The following PRR5L variants were observed in gnomAD, a reference collection of about 807,000 sequenced individuals.
PRR5L encodes proline rich 5 like, also known as proline-rich protein 5-like.
A neutral mutation model predicts 36.4 loss-of-function variants in PRR5L; 21 were observed. The observed-to-expected ratio is 0.58, with a 90% CI of 0.41 to 0.83. The LOEUF (loss-of-function observed/expected upper bound fraction) is 0.83, where lower values mean the gene tolerates loss of function less well. Among genes scored for constraint, PRR5L ranks in the 40% least tolerant of loss-of-function variants. The probability of loss-of-function intolerance (pLI) is 0.00; values close to 1 mark genes in which losing one functional copy is unlikely to be tolerated. For synonymous variants in PRR5L, 188 were observed against 197.0 expected, an observed-to-expected ratio of 0.95 and a Z score of 0.38; for missense variants, 381 against 473.3, an observed-to-expected ratio of 0.80 and a Z score of 1.81.
chr11:36,365,531 C>G (rs538951392), intron 1 of PRR5L, among the ~76,000 whole-genome samples: 14 of 152,254 alleles, frequency 9.2e-5, no homozygotes, highest in African/African-American at 3.1e-4. Context: ...AGACCACCTC[C>G]AAGTTCTTAA....
chr11:36,313,389 C>T (rs1207793630), intron 1 of PRR5L, among the ~76,000 whole-genome samples: 1 of 152,258 alleles, frequency 6.6e-6, no homozygotes, highest in African/African-American at 2.4e-5. Flanking sequence ...GTTTAAGCTA[C>T]GCCAATATTC....
intron 3 of PRR5L, among the ~76,000 whole-genome samples, chr11:36,410,811 G>C (rs1858009284): frequency 6.6e-6 from 1 of 152,206 alleles, no homozygotes; most frequent in Non-Finnish European, 1.5e-5. Flanking sequence ...CTGCCTCCTT[G>C]AAACATATCC....
chr11:36,431,266 G>T (rs1233041921), intron 4 of PRR5L, among the ~76,000 whole-genome samples: 3 of 152,194 alleles, frequency 2.0e-5, no homozygotes, highest in African/African-American at 7.2e-5. Flanking sequence ...TGAATTAAAT[G>T]AGATGAAGGA....
chr11:36,440,897 C>G (rs4756319), intron 6 of PRR5L, among the ~76,000 whole-genome samples: 86,213 of 151,864 alleles, frequency 0.57, 24,808 homozygotes, highest in Admixed American at 0.62. Context: ...AACTAGCTCT[C>G]TCATACTAAT....
intron 1 of PRR5L, among the ~76,000 whole-genome samples, chr11:36,313,087 T>A (rs1414768039): frequency 6.6e-6 from 1 of 152,258 alleles, no homozygotes; most frequent in African/African-American, 2.4e-5. Flanking sequence ...ATTCCCTGTG[T>A]AGTTGCAAAG....
chr11:36,302,777 G>A (rs1856390672), intron 1 of PRR5L, among the ~76,000 whole-genome samples: 1 of 151,966 alleles, frequency 6.6e-6, no homozygotes, highest in Non-Finnish European at 1.5e-5. Context: ...GTGACGGAGC[G>A]AGACTCTGTC....
intron 1 of PRR5L, among the ~76,000 whole-genome samples, chr11:36,330,913 C>T (rs1476617297): frequency 2.6e-5 from 4 of 152,024 alleles, no homozygotes; most frequent in Admixed American, 2.6e-4. Flanking sequence ...TCAAGTGATT[C>T]TCTTGCCTCA....
intron 1 of PRR5L, among the ~76,000 whole-genome samples, chr11:36,371,105 A>T (rs922119349): frequency 1.3e-5 from 2 of 152,148 alleles, no homozygotes; most frequent in African/African-American, 4.8e-5. Context: ...AACCCAACAT[A>T]CCAGAAATAC....
At chr11:36,422,610 C>A (rs965812735) in intron 4 of PRR5L, among the ~76,000 whole-genome samples, 15 of 152,164 alleles carry the variant, frequency 9.9e-5, no homozygotes, top group African/African-American at 3.6e-4. Flanking sequence ...TTCTCATTTA[C>A]ATTCTGTGAG....
At chr11:36,391,718 T>C (rs1382823193) in intron 1 of PRR5L, among the ~76,000 whole-genome samples, 1 of 152,248 alleles carries the variant, frequency 6.6e-6, no homozygotes, top group East Asian at 1.9e-4. Flanking sequence ...TTAGTGTGTA[T>C]ATTTATGGGG....
chr11:36,365,955 C>T (rs184937821), intron 1 of PRR5L, among the ~76,000 whole-genome samples: 39 of 152,298 alleles, frequency 2.6e-4, no homozygotes, highest in Admixed American at 2.5e-3. Flanking sequence ...GGGGACAGGG[C>T]ATCTTTCCTC....
intron 1 of PRR5L, among the ~76,000 whole-genome samples, chr11:36,346,135 A>G (rs187492461): frequency 6.6e-6 from 1 of 151,986 alleles, no homozygotes; most frequent in East Asian, 1.9e-4. Context: ...CTTTTGAAGG[A>G]TTTATTTTTT....
intron 1 of PRR5L, among the ~76,000 whole-genome samples, chr11:36,308,582 A>G (rs924856779): frequency 6.6e-6 from 1 of 152,216 alleles, no homozygotes; most frequent in Admixed American, 6.5e-5. Context: ...TTAGATTTAG[A>G]GGACTTTGGA....
intron 1 of PRR5L, chr11:36,381,595 T>G (rs942869086): frequency 6.6e-6 from 1 of 152,118 alleles, no homozygotes; most frequent in Non-Finnish European, 1.5e-5. Flanking sequence ...TGCTGCCATT[T>G]AATTCTAAAT....
At chr11:36,322,520 T>C (rs1856622589) in intron 1 of PRR5L, among the ~76,000 whole-genome samples, 1 of 152,218 alleles carries the variant, frequency 6.6e-6, no homozygotes, top group Non-Finnish European at 1.5e-5. Flanking sequence ...GGGGAATTCT[T>C]TCTCTAGTCC....
intron 4 of PRR5L, among the ~76,000 whole-genome samples, chr11:36,423,499 C>T (rs1858316577): frequency 6.6e-6 from 1 of 152,104 alleles, no homozygotes; most frequent in South Asian, 2.1e-4. Context: ...GAGAGAAGAT[C>T]AAGAGTGGTG....
intron 1 of PRR5L, among the ~76,000 whole-genome samples, chr11:36,392,212 G>A (rs1399881359): frequency 1.3e-5 from 2 of 152,074 alleles, no homozygotes; most frequent in African/African-American, 2.4e-5. Flanking sequence ...TCATCCATTC[G>A]TCTGTTGATG....
At chr11:36,397,858 C>T (rs1159871173) in intron 1 of PRR5L, among the ~76,000 whole-genome samples, 2 of 151,892 alleles carry the variant, frequency 1.3e-5, no homozygotes, top group South Asian at 2.1e-4. Context: ...TGCAATGGCA[C>T]GATCTCGGAT....
chr11:36,300,242 T>G (rs922046265), intron 1 of PRR5L, among the ~76,000 whole-genome samples: 2 of 152,180 alleles, frequency 1.3e-5, no homozygotes, highest in African/African-American at 4.8e-5. Context: ...CACTTGCATC[T>G]GCTCAGCTTT....
Sources: allele counts gnomAD v4.1 joint callset (sites outside exome capture counted in the v4.1 genomes callset), GRCh38; gene constraint gnomAD v4.1.1; transcripts MANE v1.5; gene names NCBI Gene and HGNC (gene_info 2026-07-23, HGNC 2026-07-21).